The following NRSN1 variants were observed in gnomAD, a reference collection of about 807,000 sequenced individuals.
NRSN1 encodes the protein neurensin 1, also known as neurensin-1.
NRSN1 carries 14 observed loss-of-function variants against 17.3 expected under a neutral mutation model. The ratio of observed to expected loss-of-function variants is 0.81; its 90% confidence interval spans 0.54 to 1.27. The LOEUF is 1.27. Ranked by LOEUF, NRSN1 falls within the 50% of genes most tolerant of loss-of-function variation. The pLI is 0.00. For synonymous variants in NRSN1, 79 were observed against 94.2 expected (o/e 0.84, Z 0.93); for missense variants, 209 against 235.9 (o/e 0.89, Z 0.75).
At position 24,134,483 on chromosome 6, in the gene NRSN1, A is replaced by G; in HGVS notation, c.156A>G (p.Arg52=). ...ATGAGGATGATTTCCAGATCCAAAG[A>G]TCACCTAACAGGTGGAGCTCAGTAT... ...WEYEDDFQIQ[R]SPNRWSSVFW... is the part of the protein sequence containing the mutation. The change falls in exon 3 of 4, where the codon AGA becomes AGG. Residue 52 remains arginine (R), a synonymous_variant. Coordinates refer to ENST00000378491, the MANE Select transcript of NRSN1 (RefSeq NM_080723.5). 8.7e-6 allele frequency: 14 copies of G among 1,614,158 alleles called. No homozygotes were observed. Among genetic ancestry groups the G allele is most frequent in the Non-Finnish European group, 1.2e-5 (14 of 1,180,020 alleles).
intron 3 of NRSN1, among the ~76,000 whole-genome samples, chr6:24,142,213 T>TTTTTTTTTTTTTTTC (rs957826257): frequency 1.7e-4 from 22 of 132,622 alleles, no homozygotes; most frequent in Non-Finnish European, 3.3e-4. Flanking sequence ...TTTTTTTTTT[T>TTTTTTTTTTTTTTTC]TCAGAAGACA....
chr6:24,138,740 A>T (rs1483021513), intron 3 of NRSN1, among the ~76,000 whole-genome samples: 1 of 152,134 alleles, frequency 6.6e-6, no homozygotes, highest in Non-Finnish European at 1.5e-5. Flanking sequence ...CTCTTGAGCT[A>T]AGTCAGAGTT....
At chr6:24,139,384 G>A (rs566079095) in intron 3 of NRSN1, among the ~76,000 whole-genome samples, 2 of 152,324 alleles carry the variant, frequency 1.3e-5, no homozygotes, top group South Asian at 2.1e-4. Context: ...ATAATGGCCC[G>A]CACCATTAGA....
chr6:24,143,442 C>T (rs915844446), intron 3 of NRSN1, among the ~76,000 whole-genome samples: 1 of 152,158 alleles, frequency 6.6e-6, no homozygotes, highest in Non-Finnish European at 1.5e-5. Context: ...TTCAATAATA[C>T]CAGTTATACT....
At chr6:24,141,301 C>T (rs1314283534) in intron 3 of NRSN1, 3 of 1,210,196 alleles carry the variant, frequency 2.5e-6, no homozygotes, top group Admixed American at 4.2e-5. Flanking sequence ...GGAATTGCTC[C>T]CTCAATTTTT....
chr6:24,142,165 T>A (rs1439229424), intron 3 of NRSN1, among the ~76,000 whole-genome samples: 1 of 149,756 alleles, frequency 6.7e-6, no homozygotes, highest in African/African-American at 2.5e-5. Flanking sequence ...ATTTTTCCCG[T>A]AGCACTTATG....
chr6:24,133,977 C>A (rs1178685267), intron 2 of NRSN1, among the ~76,000 whole-genome samples: 1 of 151,082 alleles, frequency 6.6e-6, no homozygotes, highest in Non-Finnish European at 1.5e-5. Context: ...GCTGGGACTA[C>A]AGGTGCCCAC....
intron 3 of NRSN1, among the ~76,000 whole-genome samples, chr6:24,142,350 G>A (rs911666964): frequency 5.9e-5 from 9 of 152,118 alleles, no homozygotes; most frequent in Middle Eastern, 3.4e-3. Flanking sequence ...TAGTAATGGC[G>A]AAGTATTATG....
intron 2 of NRSN1, among the ~76,000 whole-genome samples, chr6:24,134,048 T>C (rs563912303): frequency 8.0e-5 from 7 of 87,790 alleles, no homozygotes; most frequent in Non-Finnish European, 1.7e-4. Context: ...GTGTTTTTAG[T>C]AGAGACAGGG....
intron 3 of NRSN1, among the ~76,000 whole-genome samples, chr6:24,144,216 C>T (rs1760263521): frequency 6.6e-6 from 1 of 152,206 alleles, no homozygotes; most frequent in Non-Finnish European, 1.5e-5. Context: ...AGCTTGCTAG[C>T]TGTCCATCTT....
At position 24,146,447 on chromosome 6, in the gene NRSN1, T is replaced by C; in HGVS notation, c.*501T>C. Reference sequence around the variant, plus strand: ...GCCGAACATGAGTTTTTAGACTGTATCTTGACATGAGGTTCCTGACATTGG... The same window carrying C: ...GCCGAACATGAGTTTTTAGACTGTACCTTGACATGAGGTTCCTGACATTGG... On this transcript the variant is annotated 3_prime_UTR_variant, in exon 4 of 4. Coordinates refer to ENST00000378491, the MANE Select transcript of NRSN1 (RefSeq NM_080723.5). 1 of 359,296 alleles carries C rather than the reference T, an allele frequency of 2.8e-6. No individual in the cohort carries two copies. Among genetic ancestry groups the C allele is most frequent in the Non-Finnish European group, 5.6e-6 (1 of 179,314 alleles). 22.3% of individuals were successfully genotyped at this position (359,296 alleles called of 1,614,324 possible). A position where few individuals can be genotyped will look rare whatever the true frequency, so the allele number is the denominator to read the frequency against.
intron 3 of NRSN1, among the ~76,000 whole-genome samples, chr6:24,136,062 AC>A (rs1442675776): frequency 6.6e-6 from 1 of 152,174 alleles, no homozygotes; most frequent in Admixed American, 6.5e-5. Flanking sequence ...ATGAGCTCAA[AC>A]CCCAGCTCTT....
chr6:24,139,172 A>G (rs1419020899), intron 3 of NRSN1, among the ~76,000 whole-genome samples: 1 of 152,184 alleles, frequency 6.6e-6, no homozygotes, highest in Non-Finnish European at 1.5e-5. Context: ...ACTTTATTAG[A>G]TTCCACATAT....
At chr6:24,140,913 C>G (rs1291544790) in intron 3 of NRSN1, 1 of 1,301,546 alleles carries the variant, frequency 7.7e-7, no homozygotes, top group Non-Finnish European at 9.8e-7. Flanking sequence ...TCCAATTTTC[C>G]TTTCCAGCAG....
At chr6:24,133,264 C>T (rs998846743) in intron 2 of NRSN1, among the ~76,000 whole-genome samples, 1 of 152,214 alleles carries the variant, frequency 6.6e-6, no homozygotes, top group Non-Finnish European at 1.5e-5. Flanking sequence ...ACATTATACT[C>T]TAGCCACCCA....
Position 24,145,657 on chromosome 6 carries a change from T to G in NRSN1, c.299T>G (p.Val100Gly), listed in dbSNP as rs1326713869. 6.2e-7 allele frequency: 1 copy of G among 1,614,146 alleles called. No homozygotes were observed. The highest frequency in any genetic ancestry group is 8.5e-7 in the Non-Finnish European group (1 of 1,179,984). ...IEAFGEADFV[V>G]VDTHAVQFNS... Reference sequence around the variant, plus strand: ...GCATTTGGCGAAGCCGATTTTGTGGTGGTCGACACACATGCTGTCCAGTTT... The same window carrying G: ...GCATTTGGCGAAGCCGATTTTGTGGGGGTCGACACACATGCTGTCCAGTTT... The change falls in exon 4 of 4, where the codon GTG becomes GGG. Residue 100 changes from valine to glycine, a missense_variant. Transcript: ENST00000378491. This position sits in a 1 kb window ranked among gnomAD's most constrained non-coding sequence, Gnocchi z 4.4.
intron 3 of NRSN1, chr6:24,140,843 T>C: frequency 7.8e-7 from 1 of 1,284,556 alleles, no homozygotes; most frequent in Non-Finnish European, 9.9e-7. Context: ...ATAACAGCAG[T>C]CTCTGGCCTG....
Position 24,145,221 on chromosome 6 carries a change from G to T in NRSN1, c.190-327G>T. 7.0e-6 allele frequency among the ~76,000 whole-genome samples: 1 copy of T among 143,054 alleles called. No homozygotes were observed. The highest frequency in any genetic ancestry group is 2.2e-4 in the South Asian group (1 of 4,602). 93.8% of individuals were successfully genotyped at this position (143,054 alleles called of 152,430 possible). A position where few individuals can be genotyped will look rare whatever the true frequency, so the allele number is the denominator to read the frequency against. On this transcript the variant is annotated intron_variant, in intron 3 of 3. Coordinates refer to ENST00000378491, the MANE Select transcript of NRSN1 (RefSeq NM_080723.5). This position sits in a 1 kb window ranked among gnomAD's most constrained non-coding sequence, Gnocchi z 4.4. ...ATAATATATCTTTAGATAATATAAA[G>T]ATTATATATATCTTTAGATAATATA...
chr6:24,138,216 T>C (rs1209747018), intron 3 of NRSN1, among the ~76,000 whole-genome samples: 1 of 152,082 alleles, frequency 6.6e-6, no homozygotes, highest in African/African-American at 2.4e-5. Context: ...TGCCGCACAC[T>C]TTCTCTGTGC....
Sources: gnomAD v4.1 joint callset for allele counts (sites outside exome capture counted in the v4.1 genomes callset) on GRCh38, gnomAD v4.1.1 for gene constraint, Gnocchi (gnomAD v3.1) non-coding constraint, MANE v1.5 for transcripts, NCBI Gene and HGNC (gene_info 2026-07-23, HGNC 2026-07-21) for gene names.